The following ZPBP variants were observed in gnomAD, a reference collection of about 807,000 sequenced individuals.
ZPBP encodes the protein zona pellucida binding protein, also known as zona pellucida-binding protein 1.
In ZPBP, 26 loss-of-function variants were observed where a neutral mutation model predicts 44.8. That is an observed-to-expected ratio of 0.58 (90% CI 0.43 to 0.81). The LOEUF (loss-of-function observed/expected upper bound fraction) is 0.81. Among genes scored for constraint, ZPBP ranks in the 30% least tolerant of loss-of-function variants. ZPBP has a pLI of 0.00. For missense variants in ZPBP, 409 were observed against 434.0 expected, an observed-to-expected ratio of 0.94 and a Z score of 0.51; for synonymous variants, 174 against 153.2, an observed-to-expected ratio of 1.14 and a Z score of -1.00.
chr7:50,054,004 T>C (rs571466894), intron 4 of ZPBP, among the ~76,000 whole-genome samples: 1 of 152,318 alleles, frequency 6.6e-6, no homozygotes, highest in Non-Finnish European at 1.5e-5. Flanking sequence ...TTCTCTGGCC[T>C]CAGCCTCCTG....
intron 6 of ZPBP, among the ~76,000 whole-genome samples, chr7:50,015,656 G>A (rs535926871): frequency 1.5e-4 from 23 of 151,678 alleles, no homozygotes; most frequent in South Asian, 8.3e-4. Flanking sequence ...TGCAAACTAT[G>A]TATCCAACAA....
chr7:49,881,801 A>G (rs959923467), intron 2 of ZPBP, among the ~76,000 whole-genome samples: 2 of 152,104 alleles, frequency 1.3e-5, no homozygotes, highest in African/African-American at 4.8e-5. Context: ...TGTATATAAT[A>G]ATAATTAAAA....
intron 7 of ZPBP, among the ~76,000 whole-genome samples, chr7:49,977,623 A>G (rs1178148653): frequency 6.6e-6 from 1 of 152,190 alleles, no homozygotes; most frequent in African/African-American, 2.4e-5. Context: ...TGGAATTTCC[A>G]TGTGATTATC....
chr7:49,890,017 G>T (rs1792064614), intron 2 of ZPBP, among the ~76,000 whole-genome samples: 1 of 152,158 alleles, frequency 6.6e-6, no homozygotes, highest in Non-Finnish European at 1.5e-5. Flanking sequence ...CCATCTGAGT[G>T]TTGAAGTATC....
intron 2 of ZPBP, among the ~76,000 whole-genome samples, chr7:49,896,989 G>A (rs1368086158): frequency 1.3e-5 from 2 of 148,150 alleles, no homozygotes; most frequent in African/African-American, 2.5e-5. Flanking sequence ...TCCGCTTCCC[G>A]GGTTCACGCC....
At chr7:49,851,141 C>T (rs1406428842) in intron 2 of ZPBP, among the ~76,000 whole-genome samples, 1 of 152,178 alleles carries the variant, frequency 6.6e-6, no homozygotes. Flanking sequence ...CCTGGGCTTC[C>T]TGGGTTTTAG....
chr7:50,031,642 C>T (rs2128812115), intron 4 of ZPBP, among the ~76,000 whole-genome samples: 1 of 152,208 alleles, frequency 6.6e-6, no homozygotes, highest in South Asian at 2.1e-4. Flanking sequence ...CGAGCCTGGT[C>T]CCAGAGCCTC....
intron 4 of ZPBP, among the ~76,000 whole-genome samples, chr7:50,056,005 T>C (rs1469219151): frequency 6.6e-6 from 1 of 152,232 alleles, no homozygotes; most frequent in East Asian, 1.9e-4. Context: ...AAACATTATG[T>C]TTCTCTTTGG....
intron 4 of ZPBP, among the ~76,000 whole-genome samples, chr7:50,039,283 CT>C (rs1799961982): frequency 6.6e-6 from 1 of 151,860 alleles, no homozygotes; most frequent in African/African-American, 2.4e-5. Flanking sequence ...AGTAAAAATA[CT>C]AAGAGGGTTC....
chr7:50,032,530 G>T (rs1283506914), intron 4 of ZPBP, among the ~76,000 whole-genome samples: 1 of 152,152 alleles, frequency 6.6e-6, no homozygotes, highest in African/African-American at 2.4e-5. Context: ...TCCAGCAGAA[G>T]TACACACAAA....
At chr7:50,005,215 T>C (rs1798251511) in intron 6 of ZPBP, among the ~76,000 whole-genome samples, 1 of 151,896 alleles carries the variant, frequency 6.6e-6, no homozygotes, top group South Asian at 2.1e-4. Context: ...GAAATTAGAG[T>C]ATTTTCAGAT....
At chr7:49,844,184 A>G in the ZPBP span, among the ~76,000 whole-genome samples, 1 of 152,216 alleles carries the variant, frequency 6.6e-6, no homozygotes, top group African/African-American at 2.4e-5. Context: ...GGAATCGCAC[A>G]CTCAGAGTGG....
chr7:49,933,202 G>T (rs1408569706), downstream of ZPBP, among the ~76,000 whole-genome samples: 2 of 152,082 alleles, frequency 1.3e-5, no homozygotes, highest in Non-Finnish European at 1.5e-5. Context: ...GGTACCTATA[G>T]CATGAATAAA....
intron 4 of ZPBP, among the ~76,000 whole-genome samples, chr7:50,047,061 T>G (rs935036250): frequency 6.6e-6 from 1 of 151,992 alleles, no homozygotes; most frequent in African/African-American, 2.4e-5. Context: ...AACCAAACAC[T>G]GCATGTTCTC....
chr7:49,920,209 G>A (rs1205788115), intron 1 of ZPBP: 1 of 151,980 alleles, frequency 6.6e-6, no homozygotes. Flanking sequence ...ATATTAAGAA[G>A]TATGACTAAA....
chr7:50,053,358 G>GT (rs749027406), intron 4 of ZPBP, among the ~76,000 whole-genome samples: 4 of 152,116 alleles, frequency 2.6e-5, no homozygotes, highest in Non-Finnish European at 4.4e-5. Flanking sequence ...TGAAAACTTA[G>GT]TAATTGCTGA....
chr7:49,987,728 TTGTGTGTGTGTGTGTGTGTGTG>T (rs55971066), intron 6 of ZPBP, among the ~76,000 whole-genome samples: 3,057 of 145,646 alleles, frequency 0.021, 251 homozygotes, highest in Admixed American at 0.15. Flanking sequence ...TATATATGTG[TTGTGTGTGTGTGTGTGTGTGTG>T]TGTGTGTGTG....
At chr7:50,029,341 A>G (rs1463359612) in intron 5 of ZPBP, among the ~76,000 whole-genome samples, 1 of 152,194 alleles carries the variant, frequency 6.6e-6, no homozygotes, top group African/African-American at 2.4e-5. Flanking sequence ...AATTAGCTCA[A>G]AATGAATCTT....
chr7:50,082,293 GT>G, intron 2 of ZPBP, among the ~76,000 whole-genome samples: 1 of 151,904 alleles, frequency 6.6e-6, no homozygotes, highest in African/African-American at 2.4e-5. Flanking sequence ...CTTAAAAATT[GT>G]TTAGATTAGC....
Sources: gnomAD v4.1 joint callset for allele counts (sites outside exome capture counted in the v4.1 genomes callset) on GRCh38, gnomAD v4.1.1 for gene constraint, MANE v1.5 for transcripts, NCBI Gene and HGNC (gene_info 2026-07-23, HGNC 2026-07-21) for gene names.